The following SYT5 variants were observed in gnomAD, a reference collection of about 807,000 sequenced individuals.
SYT5 encodes the protein synaptotagmin 5.
SYT5 carries 29 observed loss-of-function variants against 36.0 expected under a neutral mutation model. The observed-to-expected ratio is 0.81, with a 90% CI of 0.60 to 1.10. SYT5 has a LOEUF of 1.10. SYT5 is among the 50% of genes least tolerant of loss of function. SYT5 has a pLI of 0.00. For missense variants in SYT5, 512 were observed against 516.0 expected (o/e 0.99, Z 0.08); for synonymous variants, 231 against 227.6 (o/e 1.02, Z -0.14).
rs527910241 is a variant in SYT5 at position 55,179,225 on chromosome 19, G to C, written c.-45-139C>G. ...AGTCATGCTGGGAGTTGTAGTATCAGCCTCCCCGCACTTGAGAGGGGGTGT... is the reference window on the plus strand; with the variant it reads ...AGTCATGCTGGGAGTTGTAGTATCACCCTCCCCGCACTTGAGAGGGGGTGT... On this transcript the variant is annotated intron_variant, in intron 1 of 8. Transcript: ENST00000354308. This position sits in a 1 kb window ranked among gnomAD's most constrained non-coding sequence, Gnocchi z 4.5. 6.8e-5 allele frequency: 102 copies of C among 1,505,838 alleles called. No individual in the cohort carries two copies. The African/African-American group carries it at 1.2e-3, about 17-fold the overall frequency. 93.3% of individuals were successfully genotyped at this position (1,505,838 alleles called of 1,614,324 possible).
At position 55,176,806 on chromosome 19, in the gene SYT5, T is replaced by C. The variant is rs114822488; in HGVS notation, c.253-682A>G. On this transcript the variant is annotated intron_variant, in intron 3 of 8. Transcript: ENST00000354308. ...TGGGGCTGGACACCAGGACCCTAAA[T>C]AGCATCCTTTACGGATGCTAATTGA... 3.0e-3 allele frequency among the ~76,000 whole-genome samples: 456 copies of C among 152,258 alleles called. 3 individuals are homozygous for C. Among genetic ancestry groups the C allele is most frequent in the African/African-American group, 0.01 (423 of 41,546 alleles).
At position 55,173,595 on chromosome 19, in the gene SYT5, G is replaced by T. The variant is rs374310739; in HGVS notation, c.1050C>A (p.Gly350=). The change falls in exon 9 of 9, where the codon GGC becomes GGA. Residue 350 remains glycine, a synonymous_variant. Transcript: ENST00000354308. This position sits in a 1 kb window ranked among gnomAD's most constrained non-coding sequence, Gnocchi z 5.4. The stretch of plus-strand genomic sequence containing the variant: ...CCGCCCAGTGCCGCAGGCCAGCCCC[G>T]CCGGCGGCCGCCCCCACGGCCACCC... ...IGRVAVGAAA[G]GAGLRHWADM... The T allele has an allele frequency of 1.4e-6, 2 of 1,480,646 alleles. No individual in the cohort carries two copies. The highest frequency in any genetic ancestry group is 2.9e-5 in the African/African-American group (2 of 68,022). 91.7% of individuals were successfully genotyped at this position (1,480,646 alleles called of 1,614,324 possible).
At position 55,175,693 on chromosome 19, in the gene SYT5, G is replaced by A. The variant is rs1308352588; in HGVS notation, c.540+16C>T. On this transcript the variant is annotated intron_variant, in intron 5 of 8. Coordinates refer to ENST00000354308, the MANE Select transcript of SYT5 (RefSeq NM_003180.3). The surrounding 1 kb of genome is among the most constrained non-coding windows in gnomAD (Gnocchi z 4.5). ...GCACAGGCTATGGAACACGGGGCCT[G>A]AAGGCAGGAGCTCACCTTGAAGGCG... 1 of 1,611,914 alleles carries A rather than the reference G, an allele frequency of 6.2e-7. No homozygotes were observed. Among genetic ancestry groups the A allele is most frequent in the African/African-American group, 1.3e-5 (1 of 74,874 alleles).
chr19:55,175,181 C>A lies in SYT5; in HGVS notation c.699G>T (p.Pro233=). ...GACCGCGCATGCTCACCTCCTCCCG[C>A]GGAGCCGCCTGCAGCTCCCGCCAGG... ...VQAWRELQAA[P]REEQEKLGDI... The change falls in exon 6 of 9, where the codon CCG becomes CCT. Residue 233 remains proline, a synonymous_variant. Transcript: ENST00000354308. The surrounding 1 kb of genome is among the most constrained non-coding windows in gnomAD (Gnocchi z 4.5). 6.2e-7 allele frequency: 1 copy of A among 1,600,306 alleles called. No homozygotes were observed. The highest frequency in any genetic ancestry group is 8.5e-7 in the Non-Finnish European group (1 of 1,175,008).
At position 55,176,221 on chromosome 19, in the gene SYT5, A is replaced by G. The variant is rs1458495589; in HGVS notation, c.253-97T>C. ...GGGAGGCTCACAGGTCCCTTGGGCT[A>G]TACCTGAGCTCTCACAGGCTAAGCA... is the stretch of plus-strand genomic sequence containing the variant. On this transcript the variant is annotated intron_variant, in intron 3 of 8. Transcript: ENST00000354308. The G allele has an allele frequency of 5.2e-6, 8 of 1,547,108 alleles. No individual in the cohort carries two copies. In the South Asian group the frequency reaches 6.9e-5, roughly 13 times the overall value.
At position 55,172,069 on chromosome 19, in the gene SYT5, A is replaced by T. The variant is rs1347658468; in HGVS notation, c.*1415T>A. 6.6e-6 allele frequency: 1 copy of T among 151,152 alleles called. No individual in the cohort carries two copies. Among genetic ancestry groups the T allele is most frequent in the Non-Finnish European group, 1.5e-5 (1 of 67,940 alleles). 9.4% of individuals were successfully genotyped at this position (151,152 alleles called of 1,614,324 possible). On this transcript the variant is annotated 3_prime_UTR_variant, in exon 9 of 9. Transcript: ENST00000354308. ...CCCTCCATTCTGGGCAACAACAGCG[A>T]AACTCCGTCTCAAAATTAAAAAAAA...
intron 8 of SYT5, 54 bp downstream of exon 8, chr19:55,174,463 C>T (rs2086047105): frequency 6.3e-7 from 1 of 1,590,448 alleles, no homozygotes; most frequent in Non-Finnish European, 8.6e-7. Flanking sequence ...CTCCGCCTAG[C>T]AATGGCGATT....
chr19:55,175,626 G>A lies in SYT5; in HGVS notation c.540+83C>T, dbSNP rs2086067074. The A allele has an allele frequency of 1.3e-6, 2 of 1,544,526 alleles. No homozygotes were observed. The highest frequency in any genetic ancestry group is 3.7e-5 in the Admixed American group (2 of 53,718). On this transcript the variant is annotated intron_variant, in intron 5 of 8. Coordinates refer to ENST00000354308, the MANE Select transcript of SYT5 (RefSeq NM_003180.3). The surrounding 1 kb of genome is among the most constrained non-coding windows in gnomAD (Gnocchi z 4.5). ...GCCACCTGAGCTGTGGCCGCCTCCA[G>A]GAAAAGCGGAAGGGGTCGGTCCCTA...
Position 55,175,415 on chromosome 19 carries a change from G to T in SYT5, c.541-76C>A. On this transcript the variant is annotated intron_variant, in intron 5 of 8. Transcript: ENST00000354308. This position sits in a 1 kb window ranked among gnomAD's most constrained non-coding sequence, Gnocchi z 4.5. ...TGAGGCACAGCACAACCAGAAGGAA[G>T]GCATGGAGTGAGGCAGCGAGGGTCG... 7.0e-7 allele frequency: 1 copy of T among 1,426,682 alleles called. No individual in the cohort carries two copies. Among genetic ancestry groups the T allele is most frequent in the Non-Finnish European group, 9.3e-7 (1 of 1,077,094 alleles). The allele number at this position is 1,426,682 out of a possible 1,614,324, so 88.4% of individuals were successfully genotyped here.
Position 55,178,906 on chromosome 19 carries a change from C to T in SYT5, c.79+57G>A, listed in dbSNP as rs115050408. The T allele has an allele frequency of 4.3e-6, 6 of 1,398,644 alleles. No individual in the cohort carries two copies. The African/African-American group carries it at 7.4e-5, about 17-fold the overall frequency. 86.6% of individuals were successfully genotyped at this position (1,398,644 alleles called of 1,614,324 possible). A position where few individuals can be genotyped will look rare whatever the true frequency, so the allele number is the denominator to read the frequency against. ...GTACACCCGTCCGAATCCCGCCCCT[C>T]GGAATCCTGGCCAGGCTTTCTCTCT... On this transcript the variant is annotated intron_variant, in intron 2 of 8. Coordinates refer to ENST00000354308, the MANE Select transcript of SYT5 (RefSeq NM_003180.3).
chr19:55,173,926 G>A lies in SYT5; in HGVS notation c.961-242C>T. On this transcript the variant is annotated intron_variant, in intron 8 of 8. Transcript: ENST00000354308. This position sits in a 1 kb window ranked among gnomAD's most constrained non-coding sequence, Gnocchi z 5.4. ...TAAGGAAATGAACCCTCAGGACTCG[G>A]TTGCGGAGCGGGTGTGTTCGGCGCC... The A allele has an allele frequency of 2.4e-6, 1 of 414,862 alleles. No homozygotes were observed. The highest frequency in any genetic ancestry group is 4.2e-6 in the Non-Finnish European group (1 of 240,358). 25.7% of individuals were successfully genotyped at this position (414,862 alleles called of 1,614,324 possible).
intron 3 of SYT5, chr19:55,177,672 A>C (rs2086091698): frequency 6.6e-6 from 1 of 152,532 alleles, no homozygotes; most frequent in Non-Finnish European, 1.5e-5. Context: ...TCCCGGTTTC[A>C]GTGCCTCAGC....
Position 55,173,956 on chromosome 19 carries a change from G to T in SYT5, c.961-272C>A, listed in dbSNP as rs371568658. ...GGAGCGGGTGTGTTCGGCGCCTCCT[G>T]GGGGAGCAGCCTCCTAAGAGCCGCA... is the stretch of plus-strand genomic sequence containing the variant. On this transcript the variant is annotated intron_variant, in intron 8 of 8. Transcript: ENST00000354308. The surrounding 1 kb of genome is among the most constrained non-coding windows in gnomAD (Gnocchi z 5.4). 1.1e-4 allele frequency: 42 copies of T among 384,850 alleles called. No individual in the cohort carries two copies. Among genetic ancestry groups the T allele is most frequent in the East Asian group, 5.0e-4 (13 of 26,192 alleles). The allele number at this position is 384,850 out of a possible 1,614,324, so 23.8% of individuals were successfully genotyped here.
chr19:55,178,130 A>G, intron 3 of SYT5, 66 bp downstream of exon 3: 2 of 1,538,620 alleles, frequency 1.3e-6, no homozygotes, highest in Non-Finnish European at 1.8e-6. Flanking sequence ...GACTGGGACC[A>G]GCTGGGCCAT....
At position 55,179,074 on chromosome 19, in the gene SYT5, A is replaced by G. The variant is rs1318175818; in HGVS notation, c.-33T>C. On this transcript the variant is annotated 5_prime_UTR_variant, in exon 2 of 9. Coordinates refer to ENST00000354308, the MANE Select transcript of SYT5 (RefSeq NM_003180.3). The surrounding 1 kb of genome is among the most constrained non-coding windows in gnomAD (Gnocchi z 4.5). Reference sequence around the variant, plus strand: ...GGGTCCTGGAGTCTTTTCTGCAGAGACACTCAAGCACCCTAGTCCCCCATT... The same window carrying G: ...GGGTCCTGGAGTCTTTTCTGCAGAGGCACTCAAGCACCCTAGTCCCCCATT... 5 of 1,585,690 alleles carry G rather than the reference A, an allele frequency of 3.2e-6. No homozygotes were observed. The African/African-American group carries it at 6.7e-5, about 21-fold the overall frequency.
rs929717580 is a variant in SYT5, at chr19:55,171,668, G to A, written c.*1816C>T. 1.3e-5 allele frequency: 2 copies of A among 152,102 alleles called. No individual in the cohort carries two copies. Among genetic ancestry groups the A allele is most frequent in the African/African-American group, 2.4e-5 (1 of 41,414 alleles). The allele number at this position is 152,102 out of a possible 1,614,324, so 9.4% of individuals were successfully genotyped here. The stretch of plus-strand genomic sequence containing the variant: ...AGAAACAGAGTAGGAGGCAGCATTC[G>A]TTGAAAGAACAATGAGGTCAGATGC... On this transcript the variant is annotated 3_prime_UTR_variant, in exon 9 of 9. Coordinates refer to ENST00000354308, the MANE Select transcript of SYT5 (RefSeq NM_003180.3).
rs752154141 is a variant in SYT5 at position 55,176,017 on chromosome 19, G to A, written c.360C>T (p.Phe120=). Residue 120 remains phenylalanine, a synonymous_variant, in exon 4 of 9, where the codon TTC becomes TTT. Coordinates refer to ENST00000354308, the MANE Select transcript of SYT5 (RefSeq NM_003180.3). ...GRLQYSLDYD[F]QSGQLLVGIL... is the part of the protein sequence containing the mutation. ...CCTCCACACCCACCTGGCCACTCTG[G>A]AAGTCATAATCCAGGGAGTACTGCA... is the stretch of plus-strand genomic sequence containing the variant. 1.9e-6 allele frequency: 3 copies of A among 1,613,978 alleles called. No individual in the cohort carries two copies. The highest frequency in any genetic ancestry group is 2.5e-6 in the Non-Finnish European group (3 of 1,180,030).
rs2147324386 is a variant in SYT5 at position 55,173,417 on chromosome 19, T to C, written c.*67A>G. The stretch of plus-strand genomic sequence containing the variant: ...CTTAAGGGTGGGGCTGGCTTGGCTT[T>C]GGCCGGTCTCGGGAGTCTGGGGTCA... On this transcript the variant is annotated 3_prime_UTR_variant, in exon 9 of 9. Coordinates refer to ENST00000354308, the MANE Select transcript of SYT5 (RefSeq NM_003180.3). The surrounding 1 kb of genome is among the most constrained non-coding windows in gnomAD (Gnocchi z 5.4). The C allele has an allele frequency of 7.8e-7, 1 of 1,275,764 alleles. No individual in the cohort carries two copies. 79.0% of individuals were successfully genotyped at this position (1,275,764 alleles called of 1,614,324 possible).
Position 55,173,909 on chromosome 19 carries a change from T to C in SYT5, c.961-225A>G, listed in dbSNP as rs1162450747. 4 of 437,390 alleles carry C rather than the reference T, an allele frequency of 9.1e-6. No individual in the cohort carries two copies. The highest frequency in any genetic ancestry group is 1.6e-5 in the Non-Finnish European group (4 of 257,434). 27.1% of individuals were successfully genotyped at this position (437,390 alleles called of 1,614,324 possible). ...CTGCGCAGCCAGGTTTCTAAGGAAA[T>C]GAACCCTCAGGACTCGGTTGCGGAG... On this transcript the variant is annotated intron_variant, in intron 8 of 8. Coordinates refer to ENST00000354308, the MANE Select transcript of SYT5 (RefSeq NM_003180.3). The surrounding 1 kb of genome is among the most constrained non-coding windows in gnomAD (Gnocchi z 5.4).
Sources: allele counts gnomAD v4.1 joint callset (sites outside exome capture counted in the v4.1 genomes callset), GRCh38; gene constraint gnomAD v4.1.1; non-coding constraint Gnocchi (gnomAD v3.1); transcripts MANE v1.5; gene names NCBI Gene and HGNC (gene_info 2026-07-23, HGNC 2026-07-21).